Variants in CDH18 observed in about 807,000 individuals in gnomAD.
The protein encoded by CDH18 is cadherin-18.
Under a neutral mutation model 67.9 loss-of-function variants are expected in CDH18, and 31 were observed. The ratio of observed to expected loss-of-function variants is 0.46; its 90% CI spans 0.34 to 0.62. The LOEUF is 0.62. Ranked by LOEUF, CDH18 falls within the 20% of genes least tolerant of loss-of-function variation. The pLI is 0.01. For synonymous variants in CDH18, 362 were observed against 347.2 expected (o/e 1.04, Z -0.48); for missense variants, 890 against 975.5 (o/e 0.91, Z 1.17).
At chr5:19,871,471 A>C (rs192875355) in intron 2 of CDH18, among the ~76,000 whole-genome samples, 1 of 152,318 alleles carries the variant, frequency 6.6e-6, no homozygotes, top group Admixed American at 6.5e-5. Flanking sequence ...GCGAAATGAA[A>C]TAGCACATAG....
intron 5 of CDH18, among the ~76,000 whole-genome samples, chr5:19,716,720 C>A (rs890891608): frequency 1.3e-5 from 2 of 151,838 alleles, no homozygotes; most frequent in Admixed American, 6.6e-5. Context: ...TACCGAAATA[C>A]ATTAGGAGTG....
At chr5:20,240,602 T>A (rs997763727) in intron 2 of CDH18, among the ~76,000 whole-genome samples, 31 of 152,210 alleles carry the variant, frequency 2.0e-4, no homozygotes, top group African/African-American at 7.2e-4. Context: ...AGTTCAGACA[T>A]ATTTTGAAAT....
intron 1 of CDH18, among the ~76,000 whole-genome samples, chr5:20,452,784 T>A (rs1449567938): frequency 6.6e-6 from 1 of 152,114 alleles, no homozygotes; most frequent in African/African-American, 2.4e-5. Context: ...GTTAAGCTTA[T>A]ATAGTAAAAT....
intron 3 of CDH18, among the ~76,000 whole-genome samples, chr5:19,757,289 C>A (rs940446374): frequency 6.6e-6 from 1 of 152,184 alleles, no homozygotes; most frequent in Admixed American, 6.5e-5. Context: ...AACCTCTGAC[C>A]TTTCCATGAT....
intron 1 of CDH18, among the ~76,000 whole-genome samples, chr5:20,516,591 C>T (rs1452909807): frequency 6.6e-6 from 1 of 151,650 alleles, no homozygotes; most frequent in Non-Finnish European, 1.5e-5. Flanking sequence ...AAGAATGCAG[C>T]ACAGAGAAAT....
At chr5:20,153,312 C>T (rs1226193359) in intron 2 of CDH18, among the ~76,000 whole-genome samples, 1 of 152,018 alleles carries the variant, frequency 6.6e-6, no homozygotes, top group Non-Finnish European at 1.5e-5. Context: ...CCTGGAAGGA[C>T]AATTATTTAT....
At chr5:19,690,697 TG>T (rs1761746587) in intron 5 of CDH18, among the ~76,000 whole-genome samples, 1 of 151,828 alleles carries the variant, frequency 6.6e-6, no homozygotes, top group Non-Finnish European at 1.5e-5. Context: ...GATAAATTTC[TG>T]GACACATACA....
chr5:19,535,937 C>T (rs1749345985), intron 9 of CDH18, among the ~76,000 whole-genome samples: 1 of 152,088 alleles, frequency 6.6e-6, no homozygotes, highest in African/African-American at 2.4e-5. Context: ...GAAATTTTTA[C>T]ATTTAGTGCA....
In CDH18 at chr5:20,538,898, GTTTTTTTTTTGT is replaced by G. The variant is rs1186230211; in HGVS notation, c.-580+36552_-580+36563del. On this transcript the variant is annotated intron_variant, in intron 1 of 14. Transcript: ENST00000507958. Reference sequence around the variant, plus strand: ...TGGATATACATCCACATAGCCAACTGTTTTTTTTTTGTTTTTTTTTTTTTTTGTCGCCCAGGC... The same window carrying G: ...TGGATATACATCCACATAGCCAACTGTTTTTTTTTTTTTTGTCGCCCAGGC... 1.7e-3 allele frequency among the ~76,000 whole-genome samples: 178 copies of G among 106,774 alleles called. 2 individuals carry two copies. Among genetic ancestry groups the G allele is most frequent in the African/African-American group, 5.3e-3 (166 of 31,140 alleles). 70.0% of individuals were successfully genotyped at this position (106,774 alleles called of 152,430 possible).
intron 5 of CDH18, among the ~76,000 whole-genome samples, chr5:19,644,802 T>C (rs1444330103): frequency 2.0e-5 from 3 of 152,140 alleles, no homozygotes; most frequent in Non-Finnish European, 2.9e-5. Flanking sequence ...TTGCAACTTC[T>C]GATGTGGGCA....
chr5:20,512,686 C>T (rs1755116450), intron 1 of CDH18, among the ~76,000 whole-genome samples: 1 of 151,950 alleles, frequency 6.6e-6, no homozygotes, highest in African/African-American at 2.4e-5. Context: ...GAGTTCGAGA[C>T]CAGCCTGGCC....
chr5:20,123,625 C>T (rs542258634), intron 2 of CDH18, among the ~76,000 whole-genome samples: 3 of 152,252 alleles, frequency 2.0e-5, no homozygotes, highest in Admixed American at 2.0e-4. Flanking sequence ...GGCTCACTCA[C>T]GCCTGTAATC....
At chr5:20,311,109 CAAAA>C (rs538801885) in intron 1 of CDH18, among the ~76,000 whole-genome samples, 4 of 151,424 alleles carry the variant, frequency 2.6e-5, no homozygotes, top group East Asian at 2.0e-4. Flanking sequence ...CAAAAACAAA[CAAAA>C]AAAAGCCTTT....
At chr5:19,908,558 G>C (rs1047421141) in intron 2 of CDH18, among the ~76,000 whole-genome samples, 1 of 152,038 alleles carries the variant, frequency 6.6e-6, no homozygotes, top group East Asian at 1.9e-4. Flanking sequence ...TTTTCTTCCT[G>C]GGAAGTGGGA....
chr5:19,622,126 T>G (rs907405992), intron 5 of CDH18, among the ~76,000 whole-genome samples: 1 of 152,182 alleles, frequency 6.6e-6, no homozygotes, highest in Non-Finnish European at 1.5e-5. Context: ...TGTCTGTACC[T>G]TGGCAATGTG....
intron 2 of CDH18, among the ~76,000 whole-genome samples, chr5:20,082,492 G>T (rs1357367722): frequency 6.6e-6 from 1 of 151,824 alleles, no homozygotes. Context: ...ACTATTTTTT[G>T]CAAATTGCAA....
At chr5:19,857,549 T>G (rs1784442560) in intron 2 of CDH18, among the ~76,000 whole-genome samples, 1 of 152,164 alleles carries the variant, frequency 6.6e-6, no homozygotes. Flanking sequence ...ATATATGTCT[T>G]GCTTGGTAGA....
At chr5:20,030,486 A>T (rs557630751) in intron 2 of CDH18, among the ~76,000 whole-genome samples, 1 of 152,162 alleles carries the variant, frequency 6.6e-6, no homozygotes, top group African/African-American at 2.4e-5. Flanking sequence ...TTGTTCCAGG[A>T]TCAACAGACA....
intron 7 of CDH18, among the ~76,000 whole-genome samples, chr5:19,573,574 G>A (rs910176633): frequency 4.6e-5 from 7 of 152,060 alleles, no homozygotes; most frequent in Non-Finnish European, 5.9e-5. Flanking sequence ...CACCATGCCC[G>A]GCCGAGGAGT....
Sources: allele counts gnomAD v4.1 joint callset (sites outside exome capture counted in the v4.1 genomes callset), GRCh38; gene constraint gnomAD v4.1.1; transcripts MANE v1.5; gene names NCBI Gene and HGNC (gene_info 2026-07-23, HGNC 2026-07-21).